The following RAD51B variants were observed in gnomAD, a reference collection of about 807,000 sequenced individuals.
RAD51B encodes RAD51 paralog B, also known as DNA repair protein RAD51 homolog 2.
In RAD51B, 38 loss-of-function variants were observed where a neutral mutation model predicts 42.2. That is an observed-to-expected ratio of 0.90 (90% CI 0.70 to 1.18). The LOEUF is 1.18. RAD51B is among the 50% of genes most tolerant of loss of function. The probability of loss-of-function intolerance (pLI) is 0.00; values close to 1 mark genes in which losing one functional copy is unlikely to be tolerated. For synonymous variants in RAD51B, 154 were observed against 145.2 expected, an observed-to-expected ratio of 1.06 and a Z score of -0.43; for missense variants, 373 against 400.7, an observed-to-expected ratio of 0.93 and a Z score of 0.59.
chr14:68,336,261 T>C (rs1795212009), intron 8 of RAD51B, among the ~76,000 whole-genome samples: 1 of 152,254 alleles, frequency 6.6e-6, no homozygotes. Context: ...AAACCACTTA[T>C]CTCTCAAAAC....
chr14:68,346,472 C>T (rs1049612771), intron 8 of RAD51B, among the ~76,000 whole-genome samples: 1 of 152,196 alleles, frequency 6.6e-6, no homozygotes, highest in Non-Finnish European at 1.5e-5. Context: ...TTCCCCCAAA[C>T]AACCACTCGA....
chr14:68,676,626 C>T (rs755832411), intron 11 of RAD51B, among the ~76,000 whole-genome samples: 1 of 152,202 alleles, frequency 6.6e-6, no homozygotes, highest in Non-Finnish European at 1.5e-5. Flanking sequence ...GCAGAGCCAA[C>T]GTTCAGGAAG....
chr14:68,048,712 G>C (rs955988854), intron 7 of RAD51B, among the ~76,000 whole-genome samples: 2 of 152,184 alleles, frequency 1.3e-5, no homozygotes, highest in African/African-American at 4.8e-5. Flanking sequence ...GAAACAACAG[G>C]TGCTGGAGAG....
At chr14:68,210,247 C>T (rs916272532) in intron 7 of RAD51B, among the ~76,000 whole-genome samples, 2 of 152,172 alleles carry the variant, frequency 1.3e-5, no homozygotes, top group African/African-American at 4.8e-5. Flanking sequence ...GTGTGAGCCA[C>T]CGCACCCAGC....
At chr14:68,170,681 T>C (rs1198783044) in intron 7 of RAD51B, among the ~76,000 whole-genome samples, 1 of 152,188 alleles carries the variant, frequency 6.6e-6, no homozygotes, top group Non-Finnish European at 1.5e-5. Flanking sequence ...TATCATCTCA[T>C]CCTATTAAAA....
Position 67,979,983 on chromosome 14 carries a change from G to C in RAD51B, c.756+92779G>C, listed in dbSNP as rs568685605. 4.6e-5 allele frequency among the ~76,000 whole-genome samples: 7 copies of C among 152,252 alleles called. No individual in the cohort carries two copies. In the South Asian group the frequency reaches 1.4e-3, roughly 32 times the overall value. ...TAGAGATGATAAAATAAATTCTACT[G>C]AAGTCTGTACTTCATCTTTTTAAAA... On this transcript the variant is annotated intron_variant, in intron 7 of 10. Transcript: ENST00000471583.
intron 7 of RAD51B, among the ~76,000 whole-genome samples, chr14:68,194,186 C>A (rs1415578377): frequency 2.6e-5 from 4 of 152,158 alleles, no homozygotes. Context: ...TGAGAAGAGG[C>A]AATTGCTATT....
chr14:68,048,415 T>C (rs927641915), intron 7 of RAD51B, among the ~76,000 whole-genome samples: 1 of 152,230 alleles, frequency 6.6e-6, no homozygotes, highest in Non-Finnish European at 1.5e-5. Context: ...GATAGTAGTT[T>C]CTTTTGCTGT....
Position 67,823,586 on chromosome 14 carries a change from C to T in RAD51B, c.43C>T (p.Leu15=). The T allele has an allele frequency of 6.2e-6, 10 of 1,613,726 alleles. No individual in the cohort carries two copies. The South Asian group carries it at 9.9e-5, about 16-fold the overall frequency. Residue 15 remains leucine (L), a synonymous_variant, in exon 2 of 11, where the codon CTG becomes TTG. Coordinates refer to ENST00000471583, the MANE Select transcript of RAD51B (RefSeq NM_133510.4). ...AAAACGAGTGGGTTTATCACAAGAG[C>T]TGTGTGACCGTCTGAGTAGACATCA... ...KLKRVGLSQE[L]CDRLSRHQIL...
intron 8 of RAD51B, among the ~76,000 whole-genome samples, chr14:68,349,485 C>G (rs1304273435): frequency 6.6e-6 from 1 of 152,092 alleles, no homozygotes; most frequent in East Asian, 1.9e-4. Flanking sequence ...TTCTGCCTCA[C>G]CCTCTCTAGA....
At chr14:68,658,964 C>T (rs983397463) in intron 11 of RAD51B, among the ~76,000 whole-genome samples, 1 of 152,234 alleles carries the variant, frequency 6.6e-6, no homozygotes, top group Non-Finnish European at 1.5e-5. Context: ...CTGCACAGCA[C>T]AACCACTCAG....
intron 10 of RAD51B, among the ~76,000 whole-genome samples, chr14:68,534,303 G>A (rs1887483480): frequency 6.6e-6 from 1 of 152,166 alleles, no homozygotes; most frequent in East Asian, 1.9e-4. Flanking sequence ...CACCAAGAAC[G>A]ATGACAAAAA....
At chr14:68,000,224 C>T (rs562375304) in intron 7 of RAD51B, 4 of 152,168 alleles carry the variant, frequency 2.6e-5, no homozygotes, top group South Asian at 2.1e-4. Context: ...TAGTCTAAGC[C>T]GATCATTTCA....
At chr14:68,060,964 C>G (rs1195065289) in intron 7 of RAD51B, among the ~76,000 whole-genome samples, 2 of 147,766 alleles carry the variant, frequency 1.4e-5, no homozygotes, top group Admixed American at 6.8e-5. Flanking sequence ...ACCATGCTGT[C>G]TTGGTTACTA....
At chr14:67,943,983 T>A (rs186901332) in intron 7 of RAD51B, among the ~76,000 whole-genome samples, 56 of 152,260 alleles carry the variant, frequency 3.7e-4, no homozygotes, top group Middle Eastern at 3.4e-3. Context: ...ATTTGCTACA[T>A]TTCTCATTTC....
At chr14:68,143,594 C>G (rs1055021107) in intron 7 of RAD51B, among the ~76,000 whole-genome samples, 2 of 152,206 alleles carry the variant, frequency 1.3e-5, no homozygotes, top group Non-Finnish European at 2.9e-5. Flanking sequence ...TGAGCTCCCC[C>G]CATACCACAC....
intron 9 of RAD51B, among the ~76,000 whole-genome samples, chr14:68,447,196 C>A (rs570050269): frequency 9.2e-5 from 14 of 152,188 alleles, no homozygotes; most frequent in Middle Eastern, 3.4e-3. Flanking sequence ...CCAGCCTGGG[C>A]AACAAGAGTG....
At chr14:68,533,020 C>A (rs1230074058) in intron 10 of RAD51B, among the ~76,000 whole-genome samples, 1 of 152,016 alleles carries the variant, frequency 6.6e-6, no homozygotes, top group African/African-American at 2.4e-5. Flanking sequence ...CCTACTATCA[C>A]CCTTATTACT....
At chr14:68,363,931 A>G (rs1395093088) in intron 8 of RAD51B, among the ~76,000 whole-genome samples, 1 of 152,158 alleles carries the variant, frequency 6.6e-6, no homozygotes, top group Non-Finnish European at 1.5e-5. Flanking sequence ...CACAGGAGGA[A>G]GTTGTGTGGT....
Sources: gnomAD v4.1 joint callset for allele counts (sites outside exome capture counted in the v4.1 genomes callset) on GRCh38, gnomAD v4.1.1 for gene constraint, MANE v1.5 for transcripts, NCBI Gene and HGNC (gene_info 2026-07-23, HGNC 2026-07-21) for gene names.